Variants in EIF4G3 observed in about 807,000 individuals in gnomAD.
EIF4G3 encodes the protein eukaryotic translation initiation factor 4 gamma 3.
Under a neutral mutation model 186.4 loss-of-function variants are expected in EIF4G3, and 34 were observed. The observed-to-expected ratio is 0.18, with a 90% CI of 0.14 to 0.24. EIF4G3 has a LOEUF of 0.24. Among genes scored for constraint, EIF4G3 ranks in the 10% least tolerant of loss-of-function variants. The probability of loss-of-function intolerance (pLI) is 1.00; values close to 1 mark genes in which losing one functional copy is unlikely to be tolerated. For synonymous variants in EIF4G3, 673 were observed against 679.5 expected (o/e 0.99, Z 0.15); for missense variants, 1,536 against 1,948.5 (o/e 0.79, Z 3.99).
chr1:20,913,460 C>G (rs148148340), intron 14 of EIF4G3, among the ~76,000 whole-genome samples: 1 of 152,084 alleles, frequency 6.6e-6, no homozygotes, highest in Non-Finnish European at 1.5e-5. Flanking sequence ...ATTGCTTGAG[C>G]CCAAGGGTTG....
chr1:21,070,266 T>C (rs2095404157), intron 3 of EIF4G3, among the ~76,000 whole-genome samples: 1 of 152,084 alleles, frequency 6.6e-6, no homozygotes, highest in African/African-American at 2.4e-5. Flanking sequence ...CTTTCTCTAA[T>C]TGCTACAATA....
At chr1:21,042,097 C>T (rs956810771) in intron 4 of EIF4G3, among the ~76,000 whole-genome samples, 2 of 151,836 alleles carry the variant, frequency 1.3e-5, no homozygotes, top group African/African-American at 4.8e-5. Context: ...GGGGATGCTC[C>T]CACTTTAGCC....
rs2058187152 is a variant in EIF4G3 at position 20,806,847 on chromosome 1, A to G, written c.*472T>C. The G allele has an allele frequency of 6.6e-6, 1 of 152,558 alleles. No individual in the cohort carries two copies. The highest frequency in any genetic ancestry group is 1.5e-5 in the Non-Finnish European group (1 of 68,044). 9.5% of individuals were successfully genotyped at this position (152,558 alleles called of 1,614,324 possible). ...TCACCCCAAACTTTCTCAAATCTGG[A>G]CTAAATGCTATACCTTAAAACAAAC... On this transcript the variant is annotated 3_prime_UTR_variant, in exon 37 of 37. Transcript: ENST00000602326.
At chr1:20,828,457 T>C (rs926735712) in intron 31 of EIF4G3, among the ~76,000 whole-genome samples, 4 of 152,368 alleles carry the variant, frequency 2.6e-5, no homozygotes, top group Admixed American at 1.3e-4. Flanking sequence ...AGGATATCTA[T>C]ACTCTAAGTG....
At position 21,053,990 on chromosome 1, in the gene EIF4G3, C is replaced by T. The variant is rs540455914; in HGVS notation, c.-195-2996G>A. 3.7e-4 allele frequency among the ~76,000 whole-genome samples: 57 copies of T among 152,194 alleles called. No individual in the cohort carries two copies. In the South Asian group the frequency reaches 0.011, roughly 29 times the overall value. On this transcript the variant is annotated intron_variant, in intron 3 of 36. Coordinates refer to ENST00000602326, the MANE Select transcript of EIF4G3 (RefSeq NM_001391906.1). ...GGTGTACTCAACAGCTCATTGAGAACGGGCCACGATGACAATGGCGGTTTT... is the reference window on the plus strand; with the variant it reads ...GGTGTACTCAACAGCTCATTGAGAATGGGCCACGATGACAATGGCGGTTTT...
intron 3 of EIF4G3, among the ~76,000 whole-genome samples, chr1:21,072,290 T>A (rs1403708174): frequency 6.6e-6 from 1 of 152,202 alleles, no homozygotes; most frequent in East Asian, 1.9e-4. Flanking sequence ...TCCCAACACT[T>A]TGGGAGGCCA....
chr1:21,130,463 A>G (rs939703642), intron 2 of EIF4G3, among the ~76,000 whole-genome samples: 2 of 151,800 alleles, frequency 1.3e-5, no homozygotes, highest in Non-Finnish European at 2.9e-5. Flanking sequence ...TCCTGACCTC[A>G]AGTGATCCAC....
chr1:20,852,141 G>A (rs1373389676), intron 27 of EIF4G3, among the ~76,000 whole-genome samples: 1 of 152,132 alleles, frequency 6.6e-6, no homozygotes, highest in Non-Finnish European at 1.5e-5. Context: ...CCGCCTACGG[G>A]TTCAAGTGAT....
intron 34 of EIF4G3, among the ~76,000 whole-genome samples, chr1:20,813,953 T>TA (rs1236717814): frequency 7.3e-6 from 1 of 136,406 alleles, no homozygotes; most frequent in African/African-American, 2.7e-5. Context: ...CACTGTTTTT[T>TA]TTTTTTTTTT....
intron 28 of EIF4G3, among the ~76,000 whole-genome samples, chr1:20,850,363 T>C (rs2072899638): frequency 6.6e-6 from 1 of 152,198 alleles, no homozygotes; most frequent in Non-Finnish European, 1.5e-5. Flanking sequence ...AAAAAAGCCA[T>C]ATGTCCCTAA....
rs543079634 is a variant in EIF4G3, at chr1:20,948,322, T to C, written c.823+1681A>G. Among the ~76,000 whole-genome samples, 4 of 152,290 alleles carry C rather than the reference T, an allele frequency of 2.6e-5. No individual in the cohort carries two copies. In the East Asian group the frequency reaches 7.7e-4, roughly 29 times the overall value. ...CTGTAATTTCGCAAGGTAAATGGCT[T>C]TACTATTTAAAGAATTCGCTTGAAG... is the stretch of plus-strand genomic sequence containing the variant. On this transcript the variant is annotated intron_variant, in intron 13 of 36. Transcript: ENST00000602326.
rs554558342 is a variant in EIF4G3 at position 20,827,879 on chromosome 1, A to AGT, written c.4188-183_4188-182dup. Among the ~76,000 whole-genome samples, 27 of 151,838 alleles carry AGT rather than the reference A, an allele frequency of 1.8e-4. No individual in the cohort carries two copies. The South Asian group carries it at 5.4e-3, about 30-fold the overall frequency. On this transcript the variant is annotated intron_variant, in intron 31 of 36. Transcript: ENST00000602326. ...AGAAGTTCCTGAAAAGGTACATGTG[A>AGT]GTTCTTGGTTTTTACCTTTTTCTTT...
chr1:20,969,618 CAT>C (rs754719362), intron 11 of EIF4G3, 22 bp from the exon 12 acceptor site: 1 of 1,610,424 alleles, frequency 6.2e-7, no homozygotes, highest in South Asian at 1.1e-5. Flanking sequence ...AATAAAATGA[CAT>C]ATGTACAGAT....
chr1:21,080,229 T>C (rs2095726053), intron 3 of EIF4G3, among the ~76,000 whole-genome samples: 3 of 133,098 alleles, frequency 2.3e-5, no homozygotes, highest in South Asian at 4.9e-4. Context: ...GGAGGAGGGA[T>C]AGCCTGAGCC....
Position 20,893,631 on chromosome 1 carries a change from G to A in EIF4G3, c.2139C>T (p.Asn713=). 6.4e-7 allele frequency: 1 copy of A among 1,558,692 alleles called. No homozygotes were observed. ...PISDVVLDKI[N]QPKLPMRTLD... is the part of the protein sequence containing the mutation. ...GAGTTCGCATTGGCAATTTGGGTTGGTTGATCTGCATGAAAAAGCAAAAGA... is the reference window on the plus strand; with the variant it reads ...GAGTTCGCATTGGCAATTTGGGTTGATTGATCTGCATGAAAAAGCAAAAGA... The change falls in exon 18 of 37, where the codon AAC becomes AAT. Residue 713 remains asparagine (N), a synonymous_variant. Coordinates refer to ENST00000602326, the MANE Select transcript of EIF4G3 (RefSeq NM_001391906.1).
intron 30 of EIF4G3, among the ~76,000 whole-genome samples, chr1:20,836,826 A>C (rs981278329): frequency 2.0e-5 from 3 of 152,236 alleles, no homozygotes; most frequent in African/African-American, 7.2e-5. Context: ...GTTTTTAAAA[A>C]GAAGTTTTCT....
chr1:20,924,166 T>C (rs2094695829), intron 14 of EIF4G3, among the ~76,000 whole-genome samples: 1 of 152,210 alleles, frequency 6.6e-6, no homozygotes, highest in Non-Finnish European at 1.5e-5. Context: ...AAGGGTATTC[T>C]AATTTATAAC....
intron 2 of EIF4G3, among the ~76,000 whole-genome samples, chr1:21,155,250 G>A (rs575182266): frequency 2.6e-4 from 28 of 108,366 alleles, no homozygotes; most frequent in Middle Eastern, 0.01. Flanking sequence ...GAGACAGTGC[G>A]AGACTCTGTC....
chr1:20,906,035 A>AT (rs71585793), intron 14 of EIF4G3, among the ~76,000 whole-genome samples: 3,110 of 152,188 alleles, frequency 0.02, 63 homozygotes, highest in Non-Finnish European at 0.026. Context: ...TTTAATATTA[A>AT]TTTTTTTCCT....
Sources: gnomAD v4.1 joint callset for allele counts (sites outside exome capture counted in the v4.1 genomes callset) on GRCh38, gnomAD v4.1.1 for gene constraint, MANE v1.5 for transcripts, NCBI Gene and HGNC (gene_info 2026-07-23, HGNC 2026-07-21) for gene names.